Variants in TNS3 observed in about 807,000 individuals in gnomAD.
The protein encoded by TNS3 is tensin-3.
Under a neutral mutation model 140.9 loss-of-function variants are expected in TNS3, and 45 were observed. That is an observed-to-expected ratio of 0.32 (90% CI 0.25 to 0.41). The LOEUF is 0.41. Among genes scored for constraint, TNS3 ranks in the 10% least tolerant of loss-of-function variants. The pLI is 1.00. For missense variants in TNS3, 1,716 were observed against 1,906.7 expected (o/e 0.90, Z 1.86); for synonymous variants, 815 against 788.4 (o/e 1.03, Z -0.56).
rs140108796 is a variant in TNS3, at chr7:47,394,444, C to G, written c.1024+2356G>C. On this transcript the variant is annotated intron_variant, in intron 16 of 30. Transcript: ENST00000311160. ...GCCAGGCTGGCTGCCTGATCTTGGA[C>G]TTCCCAGCCTCTCAAAGTAGGAGAA... Among the ~76,000 whole-genome samples, 304 of 152,348 alleles carry G rather than the reference C, an allele frequency of 2.0e-3. 1 individual carries two copies. The highest frequency in any genetic ancestry group is 6.8e-3 in the African/African-American group (284 of 41,584).
chr7:47,296,781 G>GT (rs1337975190), intron 24 of TNS3, among the ~76,000 whole-genome samples: 1 of 152,098 alleles, frequency 6.6e-6, no homozygotes, highest in Non-Finnish European at 1.5e-5. Flanking sequence ...TGACAGGGTG[G>GT]TGAGGGGGGT....
At chr7:47,433,442 A>G (rs1795021125) in intron 8 of TNS3, among the ~76,000 whole-genome samples, 1 of 152,238 alleles carries the variant, frequency 6.6e-6, no homozygotes, top group Non-Finnish European at 1.5e-5. Context: ...TCCACTAACA[A>G]GAGCTGTCCA....
At chr7:47,364,740 G>C (rs912296848) in intron 17 of TNS3, among the ~76,000 whole-genome samples, 7 of 152,198 alleles carry the variant, frequency 4.6e-5, no homozygotes, top group Admixed American at 1.3e-4. Flanking sequence ...AGAGGAAGCG[G>C]AGCTCCCAGG....
chr7:47,331,554 C>G (rs1257592880), intron 20 of TNS3, among the ~76,000 whole-genome samples: 1 of 152,222 alleles, frequency 6.6e-6, no homozygotes, highest in African/African-American at 2.4e-5. Context: ...CCAGGTGACA[C>G]ATGGAGACCT....
chr7:47,580,487 T>A (rs1157279976), intron 1 of TNS3, among the ~76,000 whole-genome samples: 1 of 152,100 alleles, frequency 6.6e-6, no homozygotes, highest in Non-Finnish European at 1.5e-5. Flanking sequence ...CAGTTCCTCC[T>A]GTCAATTCCC....
At chr7:47,369,736 T>G (rs1429166088) in intron 16 of TNS3, 115 bp from the exon 17 acceptor site, 1 of 1,212,152 alleles carries the variant, frequency 8.2e-7, no homozygotes. Flanking sequence ...AAATATGACT[T>G]ACAATAAACA....
At chr7:47,315,104 C>G (rs1787319225) in intron 20 of TNS3, among the ~76,000 whole-genome samples, 4 of 152,362 alleles carry the variant, frequency 2.6e-5, no homozygotes, top group African/African-American at 9.6e-5. Context: ...CCCTGCCAGC[C>G]ACAGCCGATC....
At chr7:47,566,749 C>T (rs981031672) in intron 1 of TNS3, among the ~76,000 whole-genome samples, 1 of 152,102 alleles carries the variant, frequency 6.6e-6, no homozygotes, top group African/African-American at 2.4e-5. Context: ...AAAAGACATT[C>T]CATCTCATGG....
chr7:47,407,715 G>A lies in TNS3; in HGVS notation c.723+4012C>T, dbSNP rs1266145607. 2.0e-5 allele frequency among the ~76,000 whole-genome samples: 3 copies of A among 152,158 alleles called. No individual in the cohort carries two copies. The highest frequency in any genetic ancestry group is 7.2e-5 in the African/African-American group (3 of 41,434). ...AAAATGAGGTCATTAGGCTGGGCCCGAATGAATGATAACTGGTGTCCTTGT... is the reference window on the plus strand; with the variant it reads ...AAAATGAGGTCATTAGGCTGGGCCCAAATGAATGATAACTGGTGTCCTTGT... On this transcript the variant is annotated intron_variant, in intron 13 of 30. Transcript: ENST00000311160. This position sits in a 1 kb window ranked among gnomAD's most constrained non-coding sequence, Gnocchi z 4.1.
At chr7:47,513,256 A>G (rs1463592347) in intron 2 of TNS3, among the ~76,000 whole-genome samples, 3 of 152,098 alleles carry the variant, frequency 2.0e-5, no homozygotes, top group Non-Finnish European at 4.4e-5. Context: ...TGCAGCCTCA[A>G]ATTTACAGGC....
chr7:47,484,770 G>A (rs565775157), intron 3 of TNS3, among the ~76,000 whole-genome samples: 4 of 152,290 alleles, frequency 2.6e-5, no homozygotes, highest in African/African-American at 9.6e-5. Context: ...AGGCACACCT[G>A]CTTGCTCTCC....
intron 4 of TNS3, among the ~76,000 whole-genome samples, chr7:47,480,745 A>T (rs1417030985): frequency 6.6e-6 from 1 of 152,166 alleles, no homozygotes; most frequent in Non-Finnish European, 1.5e-5. Context: ...CCACCTGGCG[A>T]CCCAGGCACC....
chr7:47,392,990 A>G (rs1289235241), intron 16 of TNS3, among the ~76,000 whole-genome samples: 1 of 152,216 alleles, frequency 6.6e-6, no homozygotes, highest in Non-Finnish European at 1.5e-5. Flanking sequence ...GATCAAACGC[A>G]CTTTGGAAGC....
chr7:47,546,100 G>A (rs1799913012), intron 1 of TNS3, among the ~76,000 whole-genome samples: 1 of 152,196 alleles, frequency 6.6e-6, no homozygotes, highest in Non-Finnish European at 1.5e-5. Context: ...GGACTGAGGT[G>A]GTCCAGAGAG....
At chr7:47,522,927 C>A (rs1482596637) in intron 2 of TNS3, among the ~76,000 whole-genome samples, 261 of 139,640 alleles carry the variant, frequency 1.9e-3, no homozygotes, top group Non-Finnish European at 2.2e-3. Context: ...GACTCCATCT[C>A]AAAAAAAAAA....
chr7:47,436,822 T>C (rs947545052), intron 7 of TNS3, among the ~76,000 whole-genome samples: 6 of 152,166 alleles, frequency 3.9e-5, no homozygotes, highest in African/African-American at 1.4e-4. Flanking sequence ...ATGCAGTATA[T>C]ATGAAAGATC....
At chr7:47,380,908 G>A (rs948256511) in intron 16 of TNS3, among the ~76,000 whole-genome samples, 5 of 152,194 alleles carry the variant, frequency 3.3e-5, no homozygotes, top group African/African-American at 7.2e-5. Context: ...AGAGGAGGGC[G>A]GGGGCGTGCC....
intron 2 of TNS3, among the ~76,000 whole-genome samples, chr7:47,517,832 G>A (rs1798830670): frequency 6.6e-6 from 1 of 152,154 alleles, no homozygotes; most frequent in Non-Finnish European, 1.5e-5. Context: ...TTCTGTATCG[G>A]GGGTCAAGAA....
At chr7:47,291,203 C>G (rs1035419142) in intron 27 of TNS3, among the ~76,000 whole-genome samples, 1 of 152,076 alleles carries the variant, frequency 6.6e-6, no homozygotes, top group Non-Finnish European at 1.5e-5. Flanking sequence ...AGAAAAGGCA[C>G]AGAGGATTTT....
Sources: allele counts gnomAD v4.1 joint callset (sites outside exome capture counted in the v4.1 genomes callset), GRCh38; gene constraint gnomAD v4.1.1; non-coding constraint Gnocchi (gnomAD v3.1); transcripts MANE v1.5; gene names NCBI Gene and HGNC (gene_info 2026-07-23, HGNC 2026-07-21).